ZNF680: variants seen among roughly 807,000 people sequenced by gnomAD.
ZNF680 encodes zinc finger protein 680, also known as hypothetical protein FLJ90430.
In ZNF680, 6 loss-of-function variants were observed where a neutral mutation model predicts 12.1. The observed-to-expected ratio is 0.49, with a 90% CI of 0.27 to 0.98. The LOEUF is 0.98. Among genes scored for constraint, ZNF680 ranks in the 50% least tolerant of loss-of-function variants. The probability of loss-of-function intolerance (pLI) is 0.12; values close to 1 mark genes in which losing one functional copy is unlikely to be tolerated. For synonymous variants in ZNF680, 170 were observed against 199.3 expected, an observed-to-expected ratio of 0.85 and a Z score of 1.24; for missense variants, 561 against 616.3, an observed-to-expected ratio of 0.91 and a Z score of 0.95.
At chr7:64,561,716 C>G (rs1423690298) in intron 1 of ZNF680, among the ~76,000 whole-genome samples, 1 of 151,702 alleles carries the variant, frequency 6.6e-6, no homozygotes, top group Admixed American at 6.6e-5. Context: ...GGGTGGATTA[C>G]GAGGTCAGGA....
At chr7:64,529,396 C>T (rs1403130784) in intron 3 of ZNF680, among the ~76,000 whole-genome samples, 1 of 152,032 alleles carries the variant, frequency 6.6e-6, no homozygotes, top group African/African-American at 2.4e-5. Flanking sequence ...AAGCCCAGTG[C>T]AAGGAAATTC....
rs1791504646 is a variant in ZNF680, at chr7:64,521,130, C to G, written c.*31G>C. On this transcript the variant is annotated 3_prime_UTR_variant, in exon 4 of 4. Coordinates refer to ENST00000309683, the MANE Select transcript of ZNF680 (RefSeq NM_178558.5). ...TCTTCACATTTTTAGGGTTTCTCAA[C>G]AGGATGGTGTCTTTTATGTTTAGAA... 6.4e-7 allele frequency: 1 copy of G among 1,557,618 alleles called. No individual in the cohort carries two copies. The highest frequency in any genetic ancestry group is 2.0e-5 in the Admixed American group (1 of 50,152).
chr7:64,544,530 G>T (rs1584387823), intron 1 of ZNF680, 98 bp from the exon 2 acceptor site: 2 of 1,505,926 alleles, frequency 1.3e-6, no homozygotes, highest in East Asian at 4.9e-5. Context: ...GGCAAAGTAA[G>T]ACAGTATAGA....
chr7:64,543,840 T>C, intron 2 of ZNF680, 38 bp from the exon 3 acceptor site: 2 of 1,566,572 alleles, frequency 1.3e-6, no homozygotes, highest in South Asian at 1.1e-5. Context: ...ATCTTGCTCA[T>C]ATTCTCCAAT....
chr7:64,510,316 C>A, the ZNF680 span, among the ~76,000 whole-genome samples: 2 of 151,706 alleles, frequency 1.3e-5, no homozygotes, highest in Non-Finnish European at 2.9e-5. Context: ...ACTGTCCTTG[C>A]TAAATCAAAA....
At chr7:64,533,574 G>A (rs1785998830) in intron 3 of ZNF680, among the ~76,000 whole-genome samples, 4 of 152,004 alleles carry the variant, frequency 2.6e-5, no homozygotes, top group Admixed American at 2.6e-4. Context: ...TTAATCTTGT[G>A]GAAAATGACC....
intron 3 of ZNF680, among the ~76,000 whole-genome samples, chr7:64,533,710 A>G (rs62461516): frequency 0.05 from 7,657 of 152,270 alleles, 286 homozygotes; most frequent in East Asian, 0.17. Context: ...ACATAGCCAA[A>G]GCAAGACTAA....
the ZNF680 span, among the ~76,000 whole-genome samples, chr7:64,504,255 G>A: frequency 6.6e-6 from 1 of 152,060 alleles, no homozygotes; most frequent in Non-Finnish European, 1.5e-5. Flanking sequence ...TTATATCAGT[G>A]GAAAACAGGC....
intron 3 of ZNF680, among the ~76,000 whole-genome samples, chr7:64,538,592 A>G (rs987149765): frequency 1.3e-5 from 2 of 152,366 alleles, no homozygotes; most frequent in East Asian, 1.9e-4. Context: ...AATAGCCACT[A>G]TAAGTTTTCT....
the ZNF680 span, among the ~76,000 whole-genome samples, chr7:64,507,898 T>G: frequency 6.7e-6 from 1 of 149,874 alleles, no homozygotes; most frequent in South Asian, 2.1e-4. Context: ...TTTCGACTGG[T>G]TTGCTCATTT....
At chr7:64,542,791 T>C (rs1323904270) in intron 3 of ZNF680, among the ~76,000 whole-genome samples, 1 of 152,180 alleles carries the variant, frequency 6.6e-6, no homozygotes, top group Non-Finnish European at 1.5e-5. Context: ...CTCCACCTCC[T>C]GTGTTAAAGC....
Position 64,521,372 on chromosome 7 carries a change from G to C in ZNF680, c.1382C>G (p.Ser461Cys), listed in dbSNP as rs1226282024. 1.2e-6 allele frequency: 2 copies of C among 1,613,448 alleles called. No homozygotes were observed. Among genetic ancestry groups the C allele is most frequent in the African/African-American group, 1.3e-5 (1 of 74,862 alleles). The part of the protein sequence containing the change: ...NHKVIHTGEK[S>C]YKCDECGNVF... Reference sequence around the variant, plus strand: ...ATTGCCACATTCATCACATTTGTAGGATTTCTCTCCAGTATGAATTACTTT... The same window carrying C: ...ATTGCCACATTCATCACATTTGTAGCATTTCTCTCCAGTATGAATTACTTT... The change falls in exon 4 of 4, where the codon TCC becomes TGC. Residue 461 changes from serine (S) to cysteine (C), a missense_variant. Transcript: ENST00000309683.
rs372716150 is a variant in ZNF680 at position 64,562,990 on chromosome 7, G to C, written c.-36C>G. 1.2e-6 allele frequency: 2 copies of C among 1,612,464 alleles called. No individual in the cohort carries two copies. The highest frequency in any genetic ancestry group is 1.3e-5 in the African/African-American group (1 of 74,854). ...CATCTCCCAATACCTGCAGATAACG[G>C]AGTCACAGAGGCTGGGCCTCTAGGA... On this transcript the variant is annotated 5_prime_UTR_variant, in exon 1 of 4. Coordinates refer to ENST00000309683, the MANE Select transcript of ZNF680 (RefSeq NM_178558.5).
chr7:64,527,513 T>C lies in ZNF680; in HGVS notation c.254-5013A>G, dbSNP rs1584357006. On this transcript the variant is annotated intron_variant, in intron 3 of 3. Transcript: ENST00000309683. ...AAGTTCGAGACCAGCCTGACCAACATGGAGAATCCCCGTCTCTACTAAAAA... is the reference window on the plus strand; with the variant it reads ...AAGTTCGAGACCAGCCTGACCAACACGGAGAATCCCCGTCTCTACTAAAAA... Among the ~76,000 whole-genome samples the C allele has an allele frequency of 5.3e-5, 8 of 152,032 alleles. No homozygotes were observed. In the South Asian group the frequency reaches 1.7e-3, roughly 32 times the overall value.
chr7:64,513,772 G>C, the ZNF680 span, among the ~76,000 whole-genome samples: 10 of 151,628 alleles, frequency 6.6e-5, no homozygotes, highest in Admixed American at 6.6e-4. Flanking sequence ...CAGCCTCCTG[G>C]GTAGCTGGGA....
intron 1 of ZNF680, 119 bp downstream of exon 1, chr7:64,562,806 C>G: frequency 3.4e-6 from 4 of 1,187,248 alleles, no homozygotes; most frequent in Non-Finnish European, 5.0e-6. Context: ...GCGCCAAGGA[C>G]AACTCGGGCC....
intron 3 of ZNF680, among the ~76,000 whole-genome samples, chr7:64,536,903 T>C (rs1413417803): frequency 1.3e-5 from 2 of 152,010 alleles, no homozygotes; most frequent in Non-Finnish European, 1.5e-5. Context: ...GCCCTGTCCC[T>C]ACAAATAATC....
intron 3 of ZNF680, chr7:64,526,424 T>C: frequency 6.7e-7 from 1 of 1,494,280 alleles, no homozygotes; most frequent in Non-Finnish European, 8.9e-7. Flanking sequence ...GCAAAGTGGA[T>C]TATTTCTGTA....
the ZNF680 span, among the ~76,000 whole-genome samples, chr7:64,508,142 T>TACATATATATATATATATATATAC: frequency 8.9e-6 from 1 of 112,218 alleles, no homozygotes; most frequent in African/African-American, 3.5e-5. Context: ...TATATATATA[T>TACATATATATATATATATATATAC]ACATAATTTT....
Sources: allele counts gnomAD v4.1 joint callset (sites outside exome capture counted in the v4.1 genomes callset), GRCh38; gene constraint gnomAD v4.1.1; transcripts MANE v1.5; gene names NCBI Gene and HGNC (gene_info 2026-07-23, HGNC 2026-07-21).